Variants in DCC observed in about 807,000 individuals in gnomAD.
The protein encoded by DCC is netrin receptor DCC.
Under a neutral mutation model 172.5 loss-of-function variants are expected in DCC, and 58 were observed. The observed-to-expected ratio is 0.34, with a 90% CI of 0.27 to 0.42. The LOEUF (loss-of-function observed/expected upper bound fraction) is 0.42. Ranked by LOEUF, DCC falls within the 10% of genes least tolerant of loss-of-function variation. The pLI, the probability that DCC is intolerant of heterozygous loss-of-function variation, is 1.00. For missense variants in DCC, 1,740 were observed against 1,791.0 expected, an observed-to-expected ratio of 0.97 and a Z score of 0.51; for synonymous variants, 709 against 644.5, an observed-to-expected ratio of 1.10 and a Z score of -1.52.
chr18:53,158,180 A>C (rs2054776868), intron 8 of DCC, among the ~76,000 whole-genome samples: 1 of 152,196 alleles, frequency 6.6e-6, no homozygotes, highest in Non-Finnish European at 1.5e-5. Context: ...TTACCTTGCA[A>C]GGCTTTGGCT....
chr18:53,369,390 C>A (rs568617876), intron 15 of DCC, among the ~76,000 whole-genome samples: 5 of 151,862 alleles, frequency 3.3e-5, no homozygotes, highest in African/African-American at 1.2e-4. Flanking sequence ...TTTGCAAAAT[C>A]TTAGGGTTTT....
intron 15 of DCC, among the ~76,000 whole-genome samples, chr18:53,382,582 A>G (rs1907843066): frequency 6.6e-6 from 1 of 152,066 alleles, no homozygotes; most frequent in African/African-American, 2.4e-5. Flanking sequence ...TTAATTTTAC[A>G]TAGTCTTTCA....
intron 5 of DCC, among the ~76,000 whole-genome samples, chr18:52,953,739 G>A (rs941616556): frequency 1.3e-5 from 2 of 152,184 alleles, no homozygotes. Flanking sequence ...GCAGGAATTT[G>A]AATTGATTGA....
chr18:53,061,474 A>G (rs1241321593), intron 5 of DCC, among the ~76,000 whole-genome samples: 3 of 152,164 alleles, frequency 2.0e-5, no homozygotes, highest in African/African-American at 7.2e-5. Context: ...ATGATTTCAG[A>G]AACAGAAAGG....
At chr18:52,637,738 A>T (rs1178301823) in intron 1 of DCC, among the ~76,000 whole-genome samples, 1 of 152,238 alleles carries the variant, frequency 6.6e-6, no homozygotes, top group African/African-American at 2.4e-5. Context: ...CTTGGAAAAC[A>T]TATTTGGGGG....
At chr18:52,376,286 C>A (rs1985342932) in intron 1 of DCC, among the ~76,000 whole-genome samples, 1 of 152,098 alleles carries the variant, frequency 6.6e-6, no homozygotes, top group Admixed American at 6.5e-5. Flanking sequence ...GAAAATAGCA[C>A]TTTGGTTTCA....
intron 14 of DCC, among the ~76,000 whole-genome samples, chr18:53,335,343 A>C (rs899259778): frequency 6.6e-6 from 1 of 152,112 alleles, no homozygotes; most frequent in African/African-American, 2.4e-5. Context: ...ATTAGGACTT[A>C]TGTTTTGTCT....
At chr18:52,899,498 CAT>C (rs1443932780) in intron 2 of DCC, among the ~76,000 whole-genome samples, 1 of 151,636 alleles carries the variant, frequency 6.6e-6, no homozygotes, top group Non-Finnish European at 1.5e-5. Flanking sequence ...GGGTTACAGA[CAT>C]GTACCACCAC....
intron 27 of DCC, among the ~76,000 whole-genome samples, chr18:53,502,566 C>G (rs935080207): frequency 4.6e-5 from 7 of 152,134 alleles, no homozygotes; most frequent in African/African-American, 1.7e-4. Context: ...CTAAGAAAAT[C>G]ATTACTTTCC....
At chr18:53,220,965 G>T in intron 12 of DCC, among the ~76,000 whole-genome samples, 1 of 151,978 alleles carries the variant, frequency 6.6e-6, no homozygotes. Flanking sequence ...GACTAGACTG[G>T]ATATAAATGA....
At chr18:53,231,882 T>C (rs1309727615) in intron 12 of DCC, among the ~76,000 whole-genome samples, 1 of 152,158 alleles carries the variant, frequency 6.6e-6, no homozygotes, top group Admixed American at 6.6e-5. Flanking sequence ...ACTCAAAATA[T>C]GTGCCAAAAG....
At chr18:53,065,933 T>C (rs1268223850) in intron 6 of DCC, 113 bp from the exon 7 acceptor site, 3 of 1,304,582 alleles carry the variant, frequency 2.3e-6, no homozygotes, top group African/African-American at 1.5e-5. Flanking sequence ...TCATGGCCTC[T>C]CCTCTTGTTT....
At chr18:52,883,935 A>G (rs2039532335) in intron 2 of DCC, among the ~76,000 whole-genome samples, 2 of 150,506 alleles carry the variant, frequency 1.3e-5, no homozygotes. Context: ...GATGGGCTTT[A>G]TTTCTCCTTC....
intron 2 of DCC, among the ~76,000 whole-genome samples, chr18:52,886,322 A>G (rs1416830467): frequency 1.3e-5 from 2 of 152,104 alleles, no homozygotes; most frequent in Middle Eastern, 3.2e-3. Context: ...CCTGCCAAGA[A>G]ACTTGAGCTC....
At chr18:52,908,274 C>G (rs1290657041) in intron 3 of DCC, among the ~76,000 whole-genome samples, 3 of 152,178 alleles carry the variant, frequency 2.0e-5, no homozygotes, top group Admixed American at 6.5e-5. Context: ...TGCAGATTCT[C>G]TACTCCATTA....
chr18:52,992,943 C>T (rs961815016), intron 5 of DCC, among the ~76,000 whole-genome samples: 4 of 149,928 alleles, frequency 2.7e-5, no homozygotes, highest in Admixed American at 2.7e-4. Flanking sequence ...CACACCACTG[C>T]ACTACAGCCT....
intron 1 of DCC, among the ~76,000 whole-genome samples, chr18:52,675,190 C>G (rs1290794801): frequency 6.6e-6 from 1 of 152,108 alleles, no homozygotes; most frequent in African/African-American, 2.4e-5. Flanking sequence ...TCCCTAGTAG[C>G]TGGGATTACA....
At chr18:53,411,346 TC>T (rs1405678831) in intron 20 of DCC, among the ~76,000 whole-genome samples, 2 of 152,182 alleles carry the variant, frequency 1.3e-5, no homozygotes, top group African/African-American at 2.4e-5. Context: ...AATGTTTAAT[TC>T]ATTTAACAAT....
rs2036707729 is a variant in DCC, at chr18:52,735,294, T to C, written c.92-16760T>C. ...AGGGCTCACTGGTTGCCAACATCAG[T>C]AGTATGATAAGCCATTTTACACCAA... On this transcript the variant is annotated intron_variant, in intron 1 of 28. Coordinates refer to ENST00000442544, the MANE Select transcript of DCC (RefSeq NM_005215.4). Among the ~76,000 whole-genome samples the C allele has an allele frequency of 2.0e-5, 3 of 152,134 alleles. No homozygotes were observed. In the South Asian group the frequency reaches 6.2e-4, roughly 31 times the overall value.
Sources: gnomAD v4.1 joint callset for allele counts (sites outside exome capture counted in the v4.1 genomes callset) on GRCh38, gnomAD v4.1.1 for gene constraint, MANE v1.5 for transcripts, NCBI Gene and HGNC (gene_info 2026-07-23, HGNC 2026-07-21) for gene names.